MCTP1: variants seen among roughly 807,000 people sequenced by gnomAD.
MCTP1 encodes the protein multiple C2 and transmembrane domain-containing protein 1.
MCTP1 carries 69 observed loss-of-function variants against 120.6 expected under a neutral mutation model. The ratio of observed to expected loss-of-function variants is 0.57; its 90% CI spans 0.47 to 0.70. MCTP1 has a LOEUF of 0.70. MCTP1 is among the 30% of genes least tolerant of loss of function. The pLI is 0.00. For synonymous variants in MCTP1, 529 were observed against 493.1 expected (o/e 1.07, Z -0.96); for missense variants, 1,203 against 1,248.8 (o/e 0.96, Z 0.55).
intron 2 of MCTP1, among the ~76,000 whole-genome samples, chr5:94,972,962 G>A (rs1462796154): frequency 6.6e-6 from 1 of 152,044 alleles, no homozygotes; most frequent in Admixed American, 6.6e-5. Flanking sequence ...GGTTGAGGAG[G>A]GAGAGAACTA....
rs375143230 is a variant in MCTP1 at position 95,276,954 on chromosome 5, AAAACAAAC to A, written c.720+6894_720+6901del. Among the ~76,000 whole-genome samples the A allele has an allele frequency of 5.9e-3, 894 of 152,038 alleles. 10 individuals carry two copies. The highest frequency in any genetic ancestry group is 0.029 in the South Asian group (141 of 4,808). ...GCCACAGAGGGAGACTCGGTCTCAA[AAAACAAAC>A]AAACAAACAAACAAACAAAAAACAG... On this transcript the variant is annotated intron_variant, in intron 1 of 22. Transcript: ENST00000515393.
At chr5:94,886,732 G>C (rs1007235235) in intron 12 of MCTP1, among the ~76,000 whole-genome samples, 14 of 152,122 alleles carry the variant, frequency 9.2e-5, no homozygotes, top group Non-Finnish European at 2.1e-4. Flanking sequence ...ATAACTTGTA[G>C]AGGCTGACTG....
At chr5:94,766,925 T>C (rs1199423891) in intron 19 of MCTP1, among the ~76,000 whole-genome samples, 2 of 152,102 alleles carry the variant, frequency 1.3e-5, no homozygotes, top group Non-Finnish European at 2.9e-5. Context: ...TCCTAACGCA[T>C]TCTATGAGGC....
At chr5:95,159,412 G>C (rs1745473463) in intron 1 of MCTP1, among the ~76,000 whole-genome samples, 1 of 152,118 alleles carries the variant, frequency 6.6e-6, no homozygotes, top group Admixed American at 6.5e-5. Flanking sequence ...TAACTACTGT[G>C]TGCCAAGTAT....
At chr5:95,000,829 A>AG (rs1395092048) in intron 2 of MCTP1, among the ~76,000 whole-genome samples, 3 of 152,226 alleles carry the variant, frequency 2.0e-5, no homozygotes, top group Non-Finnish European at 4.4e-5. Flanking sequence ...GTAAAGTCCT[A>AG]GGTCTCCACA....
At chr5:94,707,719 G>A in intron 22 of MCTP1, 152 bp from the exon 23 acceptor site, 1 of 633,626 alleles carries the variant, frequency 1.6e-6, no homozygotes, top group Non-Finnish European at 2.8e-6. Context: ...GAAAGCAATA[G>A]AATGACAGAG....
intron 1 of MCTP1, among the ~76,000 whole-genome samples, chr5:95,281,200 T>C (rs1445693706): frequency 1.3e-5 from 2 of 152,208 alleles, no homozygotes; most frequent in Admixed American, 1.3e-4. Flanking sequence ...CACACCCCTT[T>C]CCCATGCCCA....
chr5:95,084,028 A>AT (rs1755241152), intron 1 of MCTP1, among the ~76,000 whole-genome samples: 1 of 152,132 alleles, frequency 6.6e-6, no homozygotes, highest in African/African-American at 2.4e-5. Flanking sequence ...GAGTATATAC[A>AT]TTTTTTATAT....
chr5:95,208,258 T>A (rs544693075), intron 1 of MCTP1, among the ~76,000 whole-genome samples: 1 of 152,148 alleles, frequency 6.6e-6, no homozygotes, highest in East Asian at 1.9e-4. Context: ...TCCAGCTAAT[T>A]TTTTCTATTT....
intron 1 of MCTP1, among the ~76,000 whole-genome samples, chr5:95,182,393 G>A (rs1037933375): frequency 4.6e-5 from 7 of 152,170 alleles, no homozygotes; most frequent in South Asian, 4.1e-4. Flanking sequence ...GAAGGCAAGC[G>A]CTGTTCAAAC....
intron 19 of MCTP1, among the ~76,000 whole-genome samples, 169 bp from the exon 20 acceptor site, chr5:94,715,055 A>G (rs771937114): frequency 6.6e-6 from 1 of 152,088 alleles, no homozygotes; most frequent in African/African-American, 2.4e-5. Context: ...AAGGAAGATG[A>G]GGAGGAAGGG....
intron 17 of MCTP1, among the ~76,000 whole-genome samples, chr5:94,823,870 C>T (rs78028530): frequency 2.0e-5 from 3 of 152,178 alleles, no homozygotes; most frequent in Non-Finnish European, 4.4e-5. Context: ...TATAGGAATG[C>T]TTGTGATTTT....
chr5:94,867,023 G>T, intron 17 of MCTP1: 1 of 251,014 alleles, frequency 4.0e-6, no homozygotes, highest in Non-Finnish European at 7.4e-6. Flanking sequence ...TTTTGCATCT[G>T]TTATATGACC....
At chr5:94,982,335 A>G (rs961350279) in intron 2 of MCTP1, among the ~76,000 whole-genome samples, 3 of 152,144 alleles carry the variant, frequency 2.0e-5, no homozygotes, top group Non-Finnish European at 4.4e-5. Context: ...AATAACAACA[A>G]ATGAAATTTG....
chr5:95,282,125 G>A (rs756480060), intron 1 of MCTP1, among the ~76,000 whole-genome samples: 18 of 152,200 alleles, frequency 1.2e-4, no homozygotes, highest in Non-Finnish European at 1.6e-4. Context: ...AGCATATGGT[G>A]AAGGCATACA....
chr5:94,780,018 A>T (rs918585094), intron 18 of MCTP1, among the ~76,000 whole-genome samples: 2 of 152,138 alleles, frequency 1.3e-5, no homozygotes, highest in African/African-American at 4.8e-5. Context: ...ACACTTCACA[A>T]ACATACACAT....
chr5:94,883,758 C>T (rs1009585676), intron 12 of MCTP1, among the ~76,000 whole-genome samples: 1 of 152,116 alleles, frequency 6.6e-6, no homozygotes, highest in Non-Finnish European at 1.5e-5. Context: ...TGCTACAATC[C>T]TATTTTAAAA....
At chr5:94,761,185 A>G (rs983139432) in intron 19 of MCTP1, among the ~76,000 whole-genome samples, 1 of 152,230 alleles carries the variant, frequency 6.6e-6, no homozygotes, top group African/African-American at 2.4e-5. Flanking sequence ...AGACAGTCCC[A>G]GTAGGCAAAG....
rs1330051647 is a variant in MCTP1, at chr5:94,773,984, G to A, written c.2610+5126C>T. Reference sequence around the variant, plus strand: ...AGCACTTTGGGAGGCCGAGGCGGGCGGATCACGAGGTCAGGAGATCGAGAC... The same window carrying A: ...AGCACTTTGGGAGGCCGAGGCGGGCAGATCACGAGGTCAGGAGATCGAGAC... On this transcript the variant is annotated intron_variant, in intron 19 of 22. Transcript: ENST00000515393. Among the ~76,000 whole-genome samples the A allele has an allele frequency of 2.3e-4, 9 of 39,364 alleles. 2 individuals carry two copies. The highest frequency in any genetic ancestry group is 0.017 in the Middle Eastern group (1 of 60). 25.8% of individuals were successfully genotyped at this position (39,364 alleles called of 152,430 possible). A position where few individuals can be genotyped will look rare whatever the true frequency, so the allele number is the denominator to read the frequency against.
Sources: allele counts gnomAD v4.1 joint callset (sites outside exome capture counted in the v4.1 genomes callset), GRCh38; gene constraint gnomAD v4.1.1; transcripts MANE v1.5; gene names NCBI Gene and HGNC (gene_info 2026-07-23, HGNC 2026-07-21).